Variants in NPC1 observed in about 807,000 individuals in gnomAD.
NPC1 encodes NPC intracellular cholesterol transporter 1.
In NPC1, 85 loss-of-function variants were observed where a neutral mutation model predicts 140.4. The observed-to-expected ratio is 0.61, with a 90% CI of 0.51 to 0.72. The LOEUF (loss-of-function observed/expected upper bound fraction) is 0.72, where lower values mean the gene tolerates loss of function less well. NPC1 is among the 30% of genes least tolerant of loss of function. The pLI, the probability that NPC1 is intolerant of heterozygous loss-of-function variation, is 0.00. For synonymous variants in NPC1, 656 were observed against 624.8 expected, an observed-to-expected ratio of 1.05 and a Z score of -0.74; for missense variants, 1,504 against 1,623.8, an observed-to-expected ratio of 0.93 and a Z score of 1.27.
intron 1 of NPC1, among the ~76,000 whole-genome samples, chr18:23,523,169 CT>C (rs1598891677): frequency 1.3e-5 from 2 of 152,170 alleles, no homozygotes; most frequent in African/African-American, 4.8e-5. Flanking sequence ...TCTTTCCTAC[CT>C]TTGGGTGGTC....
chr18:23,575,005 G>C (rs1487282400), intron 1 of NPC1, among the ~76,000 whole-genome samples: 1 of 152,208 alleles, frequency 6.6e-6, no homozygotes, highest in Non-Finnish European at 1.5e-5. Context: ...TGACTACAGA[G>C]GCAGAGGAAA....
downstream of NPC1, chr18:23,527,931 C>T (rs772070161): frequency 2.6e-6 from 4 of 1,514,858 alleles, no homozygotes; most frequent in East Asian, 6.9e-5. Flanking sequence ...ACAAAGGGTC[C>T]TCCTCCCCCA....
At chr18:23,521,693 CTCTT>C (rs1473097038), downstream of NPC1, among the ~76,000 whole-genome samples, 23 of 68,876 alleles carry the variant, frequency 3.3e-4, no homozygotes, top group Admixed American at 3.3e-3. Context: ...CACACTCTCT[CTCTT>C]TTTTTTTTTT....
Position 23,533,352 on chromosome 18 carries a change from T to G in NPC1, c.3754+3A>C, listed in dbSNP as rs1208252513. 2 of 1,613,852 alleles carry G rather than the reference T, an allele frequency of 1.2e-6. No individual in the cohort carries two copies. The highest frequency in any genetic ancestry group is 3.3e-5 in the Admixed American group (2 of 60,036). On this transcript the variant is annotated splice_donor_region_variant and intron_variant, in intron 24 of 24. Coordinates refer to ENST00000269228, the MANE Select transcript of NPC1 (RefSeq NM_000271.5). Reference sequence around the variant, plus strand: ...GCCACCCTTTTAAGATGAGAACTCTTACCTATGTAACTGAGTAAGACAGGG... The same window carrying G: ...GCCACCCTTTTAAGATGAGAACTCTGACCTATGTAACTGAGTAAGACAGGG...
rs1460520961 is a variant in NPC1, at chr18:23,531,909, G to C, written c.*293C>G. On this transcript the variant is annotated 3_prime_UTR_variant, in exon 25 of 25. Transcript: ENST00000269228. ...GGCCTTTACAGAGTGTCAGTGAGCG[G>C]ATCACATTCACAGCCATCTAGTGTC... 2.1e-6 allele frequency: 3 copies of C among 1,442,054 alleles called. No individual in the cohort carries two copies. Among genetic ancestry groups the C allele is most frequent in the Non-Finnish European group, 2.7e-6 (3 of 1,105,442 alleles). The allele number at this position is 1,442,054 out of a possible 1,614,324, so 89.3% of individuals were successfully genotyped here. A position where few individuals can be genotyped will look rare whatever the true frequency, so the allele number is the denominator to read the frequency against.
chr18:23,531,827 G>A lies in NPC1; in HGVS notation c.*375C>T. 1.3e-6 allele frequency: 2 copies of A among 1,485,094 alleles called. No homozygotes were observed. Among genetic ancestry groups the A allele is most frequent in the South Asian group, 1.4e-5 (1 of 71,920 alleles). 92.0% of individuals were successfully genotyped at this position (1,485,094 alleles called of 1,614,324 possible). On this transcript the variant is annotated 3_prime_UTR_variant, in exon 25 of 25. Transcript: ENST00000269228. ...AACCTCAACTGTCACTAAAAATATG[G>A]TATAGAACTTGTGGGATGGCTTACT...
At chr18:23,576,124 T>C (rs2059274120) in intron 1 of NPC1, among the ~76,000 whole-genome samples, 1 of 152,124 alleles carries the variant, frequency 6.6e-6, no homozygotes, top group African/African-American at 2.4e-5. Context: ...CTTAGGAGGC[T>C]GAGGCAAGAG....
At chr18:23,557,802 T>C (rs962750735) in intron 6 of NPC1, among the ~76,000 whole-genome samples, 2 of 152,264 alleles carry the variant, frequency 1.3e-5, no homozygotes, top group Admixed American at 6.5e-5. Context: ...GCATACCTAG[T>C]GCCCAGATCT....
Position 23,539,201 on chromosome 18 carries a change from C to T in NPC1, c.2911+154G>A, listed in dbSNP as rs562317299. On this transcript the variant is annotated intron_variant, in intron 19 of 24. Coordinates refer to ENST00000269228, the MANE Select transcript of NPC1 (RefSeq NM_000271.5). The stretch of plus-strand genomic sequence containing the variant: ...TGAGCCAGGAACAACATGACAATTT[C>T]AGAATGAATGACTGAGGAAAGGAAT... Among the ~76,000 whole-genome samples the T allele has an allele frequency of 1.4e-4, 21 of 152,320 alleles. No homozygotes were observed. In the South Asian group the frequency reaches 4.1e-3, roughly 30 times the overall value.
At chr18:23,557,835 A>T (rs1185158927) in intron 6 of NPC1, among the ~76,000 whole-genome samples, 1 of 152,206 alleles carries the variant, frequency 6.6e-6, no homozygotes, top group Non-Finnish European at 1.5e-5. Flanking sequence ...ACCATTCTCC[A>T]ATAAAAGGAA....
intron 3 of NPC1, among the ~76,000 whole-genome samples, chr18:23,569,483 T>C (rs191815054): frequency 6.1e-4 from 93 of 152,234 alleles, no homozygotes; most frequent in African/African-American, 2.0e-3. Context: ...CCACCACACC[T>C]GGCTAATTTT....
intron 5 of NPC1, 106 bp from the exon 6 acceptor site, chr18:23,560,586 G>A: frequency 1.7e-6 from 2 of 1,177,960 alleles, no homozygotes; most frequent in Admixed American, 2.4e-5. Flanking sequence ...TAAAACAACT[G>A]AAAGAAGAAA....
At chr18:23,541,045 A>G in intron 16 of NPC1, 23 bp downstream of exon 16, 1 of 1,613,784 alleles carries the variant, frequency 6.2e-7, no homozygotes, top group Non-Finnish European at 8.5e-7. Context: ...GAGGAAAGAG[A>G]AAAACCACAG....
Position 23,561,601 on chromosome 18 carries a change from G to T in NPC1, c.464-74C>A, listed in dbSNP as rs985064905. Reference sequence around the variant, plus strand: ...TTCACGAGGCAAGATCTTACAAAAGGCCTCTTGAAGGGAAACACGAACTCC... The same window carrying T: ...TTCACGAGGCAAGATCTTACAAAAGTCCTCTTGAAGGGAAACACGAACTCC... On this transcript the variant is annotated intron_variant, in intron 4 of 24. Coordinates refer to ENST00000269228, the MANE Select transcript of NPC1 (RefSeq NM_000271.5). 84 of 1,478,414 alleles carry T rather than the reference G, an allele frequency of 5.7e-5. 1 individual carries two copies. In the East Asian group the frequency reaches 1.9e-3, roughly 33 times the overall value. 91.6% of individuals were successfully genotyped at this position (1,478,414 alleles called of 1,614,324 possible). A position where few individuals can be genotyped will look rare whatever the true frequency, so the allele number is the denominator to read the frequency against.
chr18:23,522,548 C>G (rs978832457), exon 2 of NPC1: 1 of 152,296 alleles, frequency 6.6e-6, no homozygotes, highest in Non-Finnish European at 1.5e-5. Flanking sequence ...CAAGACCATT[C>G]TTCTTCTTCC....
chr18:23,535,582 A>G lies in NPC1; in HGVS notation c.3364T>C (p.Trp1122Arg), dbSNP rs148571882. The G allele has an allele frequency of 3.1e-6, 5 of 1,614,024 alleles. No homozygotes were observed. The African/African-American group carries it at 5.3e-5, about 17-fold the overall frequency. The change falls in exon 22 of 25, where the codon TGG becomes CGG. Residue 1122 changes from tryptophan (W) to arginine (R), a missense_variant. Trp to Arg is a moderately radical substitution (Grantham distance 101, BLOSUM62 -3). Coordinates refer to ENST00000269228, the MANE Select transcript of NPC1 (RefSeq NM_000271.5). ...VTMVLLGCEL[W>R]SAVIMCATIA... ...GTGGCACACATGATGACTGCAGACC[A>G]GAGCTCACAGCCCAGGAGGACCATG...
intron 21 of NPC1, among the ~76,000 whole-genome samples, chr18:23,536,351 T>G (rs745371488): frequency 2.6e-5 from 4 of 152,212 alleles, no homozygotes; most frequent in Non-Finnish European, 5.9e-5. Context: ...TGGCCAAGAA[T>G]GTGGGCCGGG....
chr18:23,557,893 G>A (rs987910432), intron 6 of NPC1, among the ~76,000 whole-genome samples: 1 of 152,198 alleles, frequency 6.6e-6, no homozygotes, highest in Non-Finnish European at 1.5e-5. Context: ...AGATAAAGCT[G>A]GGGATGGGAG....
At chr18:23,541,250 C>T (rs1035036749) in intron 15 of NPC1, 42 bp from the exon 16 acceptor site, 3 of 1,614,102 alleles carry the variant, frequency 1.9e-6, no homozygotes, top group Non-Finnish European at 2.5e-6. Context: ...CCGCTAGCTG[C>T]TTCCTCTAGA....
Sources: gnomAD v4.1 joint callset for allele counts (sites outside exome capture counted in the v4.1 genomes callset) on GRCh38, gnomAD v4.1.1 for gene constraint, MANE v1.5 for transcripts, NCBI Gene and HGNC (gene_info 2026-07-23, HGNC 2026-07-21) for gene names.